The following ABCB7 variants were observed in gnomAD, a reference collection of about 807,000 sequenced individuals.
The protein encoded by ABCB7 is iron-sulfur clusters transporter ABCB7, mitochondrial.
A neutral mutation model predicts 54.4 loss-of-function variants in ABCB7; 7 were observed. That is an observed-to-expected ratio of 0.13 (90% CI 0.07 to 0.24). The LOEUF is 0.24. Among genes scored for constraint, ABCB7 ranks in the 10% least tolerant of loss-of-function variants. ABCB7 has a pLI of 1.00. For missense variants in ABCB7, 356 were observed against 570.4 expected (o/e 0.62, Z 3.83); for synonymous variants, 218 against 207.1 (o/e 1.05, Z -0.45).
intron 4 of ABCB7, among the ~76,000 whole-genome samples, chrX:75,078,272 A>G (rs2081427338): frequency 9.0e-6 from 1 of 111,137 alleles, no homozygotes; most frequent in African/African-American, 3.3e-5. Flanking sequence ...CATTTCTACC[A>G]TAATGCCTTC....
At chrX:75,053,630 T>C in intron 15 of ABCB7, 45 bp from the exon 16 acceptor site, 1 of 1,162,853 alleles carries the variant, frequency 8.6e-7, no homozygotes, top group Non-Finnish European at 1.2e-6. Context: ...GTCATTTAAC[T>C]AGCATAATAA....
chrX:75,076,789 C>A (rs1303177040), intron 4 of ABCB7, 135 bp from the exon 5 acceptor site: 4 of 749,505 alleles, frequency 5.3e-6, no homozygotes, highest in Non-Finnish European at 7.7e-6. Context: ...TGATTTTCCC[C>A]ATTCATAAAG....
At chrX:75,060,382 T>A in intron 14 of ABCB7, 52 bp from the exon 15 acceptor site, 1 of 918,422 alleles carries the variant, frequency 1.1e-6, no homozygotes, top group South Asian at 2.1e-5. Context: ...AAGTACACAT[T>A]AGGCAAATGT....
chrX:75,057,610 G>A (rs2081251411), intron 15 of ABCB7, among the ~76,000 whole-genome samples: 1 of 110,281 alleles, frequency 9.1e-6, no homozygotes, highest in Admixed American at 9.7e-5. Flanking sequence ...TCTCTGTTTT[G>A]GAGGTCTATC....
chrX:75,057,721 T>C lies in ABCB7; in HGVS notation c.2043+2502A>G, dbSNP rs138372423. ...TGGACTTCATGGTAGGATGATTATG[T>C]AGATATCTGGACATTTTGTTGGGGT... On this transcript the variant is annotated intron_variant, in intron 15 of 15. Coordinates refer to ENST00000373394, the MANE Select transcript of ABCB7 (RefSeq NM_001271696.3). 4.4e-3 allele frequency among the ~76,000 whole-genome samples: 487 copies of C among 111,101 alleles called. 2 individuals are homozygous for C. Among genetic ancestry groups the C allele is most frequent in the African/African-American group, 0.015 (469 of 30,588 alleles).
chrX:75,085,437 G>T (rs944817825), intron 4 of ABCB7, among the ~76,000 whole-genome samples: 1 of 111,403 alleles, frequency 9.0e-6, no homozygotes, highest in African/African-American at 3.3e-5. Flanking sequence ...CAGCAGCTAG[G>T]GGTCTGGAAA....
intron 3 of ABCB7, among the ~76,000 whole-genome samples, chrX:75,108,746 C>T (rs1052532417): frequency 1.8e-5 from 2 of 109,955 alleles, no homozygotes; most frequent in East Asian, 2.8e-4. Flanking sequence ...CAACTGAAAA[C>T]GAGGTGGCCC....
chrX:75,083,037 T>A (rs1050732624), intron 4 of ABCB7, among the ~76,000 whole-genome samples: 1 of 111,627 alleles, frequency 9.0e-6, no homozygotes, highest in East Asian at 2.8e-4. Context: ...TATTAATATA[T>A]CAACATATTA....
chrX:75,057,013 T>C (rs2081245753), intron 15 of ABCB7, among the ~76,000 whole-genome samples: 1 of 112,397 alleles, frequency 8.9e-6, no homozygotes, highest in African/African-American at 3.2e-5. Context: ...ATGTTAGCAA[T>C]TTTATATGCA....
intron 4 of ABCB7, among the ~76,000 whole-genome samples, chrX:75,080,083 T>C (rs375412991): frequency 6.4e-4 from 72 of 112,272 alleles, no homozygotes; most frequent in African/African-American, 2.2e-3. Flanking sequence ...GATTATTCCA[T>C]TGATGTACTA....
intron 4 of ABCB7, among the ~76,000 whole-genome samples, chrX:75,097,927 T>C (rs979646675): frequency 8.9e-6 from 1 of 112,028 alleles, no homozygotes; most frequent in Non-Finnish European, 1.9e-5. Context: ...GGTTACAAGG[T>C]GGCAAAGCCC....
At chrX:75,153,203 G>A (rs757654002) in intron 1 of ABCB7, among the ~76,000 whole-genome samples, 3 of 110,625 alleles carry the variant, frequency 2.7e-5, no homozygotes, top group East Asian at 2.9e-4. Context: ...TCAGCCTCCC[G>A]AATAGCTGGG....
intron 2 of ABCB7, 23 bp downstream of exon 2, chrX:75,114,731 T>C: frequency 3.4e-6 from 4 of 1,181,432 alleles, no homozygotes; most frequent in Non-Finnish European, 4.6e-6. Context: ...TAGCTATATG[T>C]AGACATGTTT....
chrX:75,077,447 T>C (rs1370796178), intron 4 of ABCB7, among the ~76,000 whole-genome samples: 1 of 112,541 alleles, frequency 8.9e-6, no homozygotes, highest in African/African-American at 3.2e-5. Flanking sequence ...TCTGCAGTTA[T>C]AGTATCCAAA....
At chrX:75,144,192 A>G (rs2082075617) in intron 1 of ABCB7, among the ~76,000 whole-genome samples, 1 of 111,570 alleles carries the variant, frequency 9.0e-6, no homozygotes, top group Non-Finnish European at 1.9e-5. Context: ...AACTGCACCC[A>G]GAATCACAGC....
intron 1 of ABCB7, among the ~76,000 whole-genome samples, chrX:75,144,134 A>T (rs1048335239): frequency 2.7e-4 from 30 of 111,278 alleles, no homozygotes; most frequent in Non-Finnish European, 4.9e-4. Context: ...TATTCTCTTA[A>T]TTAATGTCCC....
At chrX:75,080,312 T>G (rs1167346975) in intron 4 of ABCB7, among the ~76,000 whole-genome samples, 1 of 111,604 alleles carries the variant, frequency 9.0e-6, no homozygotes, top group African/African-American at 3.3e-5. Flanking sequence ...ATCATTCTAT[T>G]TTATATCTTT....
intron 1 of ABCB7, among the ~76,000 whole-genome samples, chrX:75,136,480 G>GA (rs745570078): frequency 5.4e-5 from 6 of 111,090 alleles, no homozygotes; most frequent in East Asian, 5.6e-4. Flanking sequence ...CAAAGAATCT[G>GA]AAAAAAACAT....
chrX:75,103,995 C>T (rs1480710105), intron 3 of ABCB7, among the ~76,000 whole-genome samples: 2 of 97,742 alleles, frequency 2.0e-5, no homozygotes, highest in Non-Finnish European at 4.0e-5. Context: ...TTAGGACTTC[C>T]AGTACCATGT....
Sources: allele counts gnomAD v4.1 joint callset (sites outside exome capture counted in the v4.1 genomes callset), GRCh38; gene constraint gnomAD v4.1.1; transcripts MANE v1.5; gene names NCBI Gene and HGNC (gene_info 2026-07-23, HGNC 2026-07-21).